SLAIN2: variants seen among roughly 807,000 people sequenced by gnomAD.
SLAIN2 encodes the protein SLAIN family member 2, also known as SLAIN motif-containing protein 2.
A neutral mutation model predicts 56.6 loss-of-function variants in SLAIN2; 31 were observed. The ratio of observed to expected loss-of-function variants is 0.55; its 90% CI spans 0.41 to 0.74. The LOEUF is 0.74. Ranked by LOEUF, SLAIN2 falls within the 30% of genes least tolerant of loss-of-function variation. SLAIN2 has a pLI of 0.00. For synonymous variants in SLAIN2, 317 were observed against 284.9 expected (o/e 1.11, Z -1.13); for missense variants, 777 against 754.2 (o/e 1.03, Z -0.35).
chr4:48,349,978 A>G (rs1714969903), intron 1 of SLAIN2, among the ~76,000 whole-genome samples: 1 of 152,218 alleles, frequency 6.6e-6, no homozygotes, highest in African/African-American at 2.4e-5. Context: ...AAAAACATTT[A>G]TTGAACTGGG....
chr4:48,343,161 G>C (rs1328071642), intron 1 of SLAIN2, among the ~76,000 whole-genome samples: 1 of 152,178 alleles, frequency 6.6e-6, no homozygotes, highest in Non-Finnish European at 1.5e-5. Context: ...CTGGAACTTT[G>C]CAGTGTTCTG....
intron 6 of SLAIN2, among the ~76,000 whole-genome samples, chr4:48,412,753 A>G (rs1716895854): frequency 6.6e-6 from 1 of 152,184 alleles, no homozygotes. Flanking sequence ...TATGCTTACA[A>G]AATAATAGTC....
At chr4:48,363,846 G>T (rs1715420150) in intron 1 of SLAIN2, among the ~76,000 whole-genome samples, 1 of 136,012 alleles carries the variant, frequency 7.4e-6, no homozygotes, top group Non-Finnish European at 1.6e-5. Context: ...GGGCTGAGGG[G>T]CTCCTTACTT....
In SLAIN2 at chr4:48,341,581, G is replaced by T; in HGVS notation, c.-159G>T. On this transcript the variant is annotated 5_prime_UTR_variant, in exon 1 of 8. It introduces an in-frame stop codon into an upstream open reading frame of the 5' UTR. Coordinates refer to ENST00000264313, the MANE Select transcript of SLAIN2 (RefSeq NM_020846.2). ...GTTCGGCTGGGGCCAGCGGCGCTTT[G>T]GAACCCGAGGTGGGGGGACCCTGGC... The T allele has an allele frequency of 1.7e-6, 2 of 1,180,810 alleles. No individual in the cohort carries two copies. Among genetic ancestry groups the T allele is most frequent in the South Asian group, 2.0e-5 (1 of 50,952 alleles). 73.1% of individuals were successfully genotyped at this position (1,180,810 alleles called of 1,614,324 possible).
intron 4 of SLAIN2, among the ~76,000 whole-genome samples, chr4:48,382,058 C>T (rs1215461100): frequency 7.9e-5 from 12 of 152,264 alleles, no homozygotes; most frequent in Middle Eastern, 3.4e-3. Context: ...ATCAAGATTT[C>T]GTTTGTGCCC....
At chr4:48,369,021 C>G (rs1012900471) in intron 1 of SLAIN2, among the ~76,000 whole-genome samples, 1 of 152,134 alleles carries the variant, frequency 6.6e-6, no homozygotes, top group Admixed American at 6.5e-5. Context: ...CTTATTGAAA[C>G]CTTTCACTAG....
intron 6 of SLAIN2, among the ~76,000 whole-genome samples, chr4:48,404,440 C>G (rs746100013): frequency 2.2e-4 from 34 of 152,162 alleles, no homozygotes; most frequent in African/African-American, 8.0e-4. Flanking sequence ...CTTCTCTATT[C>G]TAGCCCCTCT....
intron 6 of SLAIN2, among the ~76,000 whole-genome samples, chr4:48,402,989 G>T (rs552153491): frequency 6.6e-6 from 1 of 152,242 alleles, no homozygotes; most frequent in Non-Finnish European, 1.5e-5. Flanking sequence ...GGTTTTCTGG[G>T]GGTCCATTCC....
At chr4:48,344,259 G>A (rs1311434792) in intron 1 of SLAIN2, among the ~76,000 whole-genome samples, 1 of 152,192 alleles carries the variant, frequency 6.6e-6, no homozygotes, top group Non-Finnish European at 1.5e-5. Flanking sequence ...TTTAAAATGC[G>A]TTGGGGTATG....
chr4:48,392,527 C>T (rs1297326672), intron 6 of SLAIN2, among the ~76,000 whole-genome samples: 2 of 152,048 alleles, frequency 1.3e-5, no homozygotes, highest in Non-Finnish European at 2.9e-5. Context: ...TACCTTTACC[C>T]TCATTTATTC....
At chr4:48,357,337 A>G (rs1376128992) in intron 1 of SLAIN2, among the ~76,000 whole-genome samples, 1 of 152,050 alleles carries the variant, frequency 6.6e-6, no homozygotes, top group Non-Finnish European at 1.5e-5. Flanking sequence ...TTAAGAGAGC[A>G]GGGAACATTG....
Position 48,382,694 on chromosome 4 carries a change from A to G in SLAIN2, c.989A>G (p.Asn330Ser), listed in dbSNP as rs370065842. 1.1e-5 allele frequency: 17 copies of G among 1,613,754 alleles called. No individual in the cohort carries two copies. The highest frequency in any genetic ancestry group is 2.7e-5 in the African/African-American group (2 of 74,892). ...CAAAGTTTAGATGATGAAGATGACA[A>G]TATGCATCATGCAGTATACCCTGCT... is the stretch of plus-strand genomic sequence containing the variant. ...DAQSLDDEDD[N>S]MHHAVYPAVN... The change falls in exon 5 of 8, where the codon AAT (asparagine) becomes AGT (serine). Residue 330 changes from asparagine (N) to serine (S), a missense_variant. Asn to Ser is a conservative substitution (Grantham distance 46). Transcript: ENST00000264313.
chr4:48,364,862 G>A lies in SLAIN2; in HGVS notation c.390-4987G>A, dbSNP rs1272805420. Among the ~76,000 whole-genome samples, 18 of 140,874 alleles carry A rather than the reference G, an allele frequency of 1.3e-4. 1 individual carries two copies. Among genetic ancestry groups the A allele is most frequent in the African/African-American group, 4.2e-4 (16 of 37,842 alleles). The allele number at this position is 140,874 out of a possible 152,430, so 92.4% of individuals were successfully genotyped here. A position where few individuals can be genotyped will look rare whatever the true frequency, so the allele number is the denominator to read the frequency against. The stretch of plus-strand genomic sequence containing the variant: ...CATGAGAGGGAGACCGTGGGGAGAC[G>A]GAGACGGGAGAGGGAGGGGGAGGGG... On this transcript the variant is annotated intron_variant, in intron 1 of 7. Transcript: ENST00000264313.
intron 6 of SLAIN2, among the ~76,000 whole-genome samples, chr4:48,407,912 C>T (rs1716742168): frequency 6.6e-6 from 1 of 152,166 alleles, no homozygotes; most frequent in Non-Finnish European, 1.5e-5. Context: ...CTAGATTTGC[C>T]TATGTTGGAC....
intron 2 of SLAIN2, among the ~76,000 whole-genome samples, chr4:48,370,254 T>A (rs1245134723): frequency 1.3e-5 from 2 of 152,222 alleles, no homozygotes; most frequent in African/African-American, 4.8e-5. Context: ...TTTCGTATGA[T>A]AAGCTTTTTT....
chr4:48,388,560 T>C (rs11931685), intron 6 of SLAIN2, among the ~76,000 whole-genome samples: 3,172 of 152,296 alleles, frequency 0.021, 115 homozygotes, highest in African/African-American at 0.072. Flanking sequence ...TTTATTTTTA[T>C]AGAAAGGGAA....
chr4:48,390,196 TC>T (rs1716202348), intron 6 of SLAIN2, among the ~76,000 whole-genome samples: 2 of 150,674 alleles, frequency 1.3e-5, no homozygotes, highest in African/African-American at 4.9e-5. Flanking sequence ...TGCCTCAGCC[TC>T]CCTCTTAGTA....
At chr4:48,343,673 A>G (rs1714786598) in intron 1 of SLAIN2, among the ~76,000 whole-genome samples, 1 of 152,200 alleles carries the variant, frequency 6.6e-6, no homozygotes, top group Admixed American at 6.5e-5. Flanking sequence ...GAAAGTGAGG[A>G]AAGAGCGGGA....
At chr4:48,378,845 C>G (rs1353751486) in intron 3 of SLAIN2, among the ~76,000 whole-genome samples, 2 of 152,136 alleles carry the variant, frequency 1.3e-5, no homozygotes, top group South Asian at 2.1e-4. Context: ...CCTTGTAGTA[C>G]TTTTCCTATC....
Sources: allele counts gnomAD v4.1 joint callset (sites outside exome capture counted in the v4.1 genomes callset), GRCh38; gene constraint gnomAD v4.1.1; transcripts MANE v1.5; gene names NCBI Gene and HGNC (gene_info 2026-07-23, HGNC 2026-07-21).